NETO1: variants seen among roughly 807,000 people sequenced by gnomAD.
NETO1 encodes the protein neuropilin and tolloid-like protein 1.
A neutral mutation model predicts 61.3 loss-of-function variants in NETO1; 26 were observed. The ratio of observed to expected loss-of-function variants is 0.42; its 90% confidence interval spans 0.31 to 0.59. NETO1 has a LOEUF of 0.59. Among genes scored for constraint, NETO1 ranks in the 20% least tolerant of loss-of-function variants. The pLI is 0.12. For synonymous variants in NETO1, 225 were observed against 225.8 expected, an observed-to-expected ratio of 1.00 and a Z score of 0.03; for missense variants, 531 against 662.8, an observed-to-expected ratio of 0.80 and a Z score of 2.18.
intron 7 of NETO1, among the ~76,000 whole-genome samples, chr18:72,760,558 A>C (rs911255217): frequency 6.6e-6 from 1 of 152,154 alleles, no homozygotes; most frequent in Admixed American, 6.5e-5. Flanking sequence ...GCAGTGATTA[A>C]GTCCCTTGCA....
intron 4 of NETO1, among the ~76,000 whole-genome samples, chr18:72,857,450 T>C (rs2074441130): frequency 6.6e-6 from 1 of 152,244 alleles, no homozygotes; most frequent in South Asian, 2.1e-4. Flanking sequence ...GCATGACAGC[T>C]GACACTACAT....
At chr18:72,766,633 C>T (rs1038576569) in intron 7 of NETO1, among the ~76,000 whole-genome samples, 3 of 152,034 alleles carry the variant, frequency 2.0e-5, no homozygotes, top group African/African-American at 4.8e-5. Flanking sequence ...TGTTTTTATA[C>T]AAGAAATTCT....
Position 72,765,611 on chromosome 18 carries a change from G to A in NETO1, c.869-9464C>T, listed in dbSNP as rs113499238. Among the ~76,000 whole-genome samples the A allele has an allele frequency of 4.5e-3, 681 of 152,042 alleles. 5 individuals carry two copies. The highest frequency in any genetic ancestry group is 0.015 in the African/African-American group (632 of 41,496). On this transcript the variant is annotated intron_variant, in intron 7 of 10. Transcript: ENST00000327305. The stretch of plus-strand genomic sequence containing the variant: ...TTTTTGTATTTTCCGTAGAGATGGG[G>A]TTTCATCATCTTGGCCAGGATGGTC...
At chr18:72,783,561 C>A (rs2071813652) in intron 7 of NETO1, 117 bp downstream of exon 7, 3 of 789,740 alleles carry the variant, frequency 3.8e-6, no homozygotes, top group Non-Finnish European at 6.2e-6. Context: ...GTTTAAACAA[C>A]ATATTAGAGA....
At chr18:72,773,617 G>A (rs2071449383) in intron 7 of NETO1, among the ~76,000 whole-genome samples, 1 of 152,104 alleles carries the variant, frequency 6.6e-6, no homozygotes. Context: ...TAGTGAGTGA[G>A]TTCTCAGGAG....
At chr18:72,852,118 G>A (rs567028422) in intron 4 of NETO1, among the ~76,000 whole-genome samples, 22 of 152,276 alleles carry the variant, frequency 1.4e-4, no homozygotes, top group Admixed American at 1.2e-3. Context: ...GCGATTAGCC[G>A]ATAAATAAAT....
In NETO1 at chr18:72,747,343, G is replaced by A. The variant is rs1243158665; in HGVS notation, c.*836C>T. On this transcript the variant is annotated 3_prime_UTR_variant, in exon 11 of 11. Transcript: ENST00000327305. ...TGACAATGCATGCTTTTCACAATGT[G>A]TCTAACAAAAAGGATATTTTCCCAA... is the stretch of plus-strand genomic sequence containing the variant. 1.3e-5 allele frequency: 2 copies of A among 152,016 alleles called. No individual in the cohort carries two copies. Among genetic ancestry groups the A allele is most frequent in the Non-Finnish European group, 2.9e-5 (2 of 67,952 alleles). The allele number at this position is 152,016 out of a possible 1,614,324, so 9.4% of individuals were successfully genotyped here. A position where few individuals can be genotyped will look rare whatever the true frequency, so the allele number is the denominator to read the frequency against.
Position 72,768,760 on chromosome 18 carries a change from G to C in NETO1, c.869-12613C>G, listed in dbSNP as rs1450009423. On this transcript the variant is annotated intron_variant, in intron 7 of 10. Transcript: ENST00000327305. ...CTATGAGCCAAGAAATACTGCTCTA[G>C]AAACGGGAAAAGGAAGGAAATGTAC... Among the ~76,000 whole-genome samples, 3 of 152,276 alleles carry C rather than the reference G, an allele frequency of 2.0e-5. No individual in the cohort carries two copies. The East Asian group carries it at 5.8e-4, about 29-fold the overall frequency.
At chr18:72,786,342 A>C (rs2071917056) in intron 6 of NETO1, among the ~76,000 whole-genome samples, 1 of 152,234 alleles carries the variant, frequency 6.6e-6, no homozygotes, top group Admixed American at 6.5e-5. Flanking sequence ...GAAGTTCTAA[A>C]TGAGGAAATC....
At chr18:72,860,065 T>TC (rs2074523672) in intron 3 of NETO1, among the ~76,000 whole-genome samples, 1 of 152,230 alleles carries the variant, frequency 6.6e-6, no homozygotes, top group Non-Finnish European at 1.5e-5. Context: ...TTGCTAATGG[T>TC]CTTTCATTCT....
At chr18:72,826,771 G>C (rs7231566) in intron 4 of NETO1, among the ~76,000 whole-genome samples, 122,435 of 152,080 alleles carry the variant, frequency 0.81, 50,032 homozygotes, top group Non-Finnish European at 0.86. Flanking sequence ...CCACAACTCA[G>C]GAAACTGTCT....
intron 4 of NETO1, among the ~76,000 whole-genome samples, chr18:72,854,303 CT>C (rs1382311064): frequency 6.6e-6 from 1 of 152,182 alleles, no homozygotes; most frequent in Non-Finnish European, 1.5e-5. Flanking sequence ...CAGTCCTCAC[CT>C]ATTTGGTACT....
intron 4 of NETO1, among the ~76,000 whole-genome samples, chr18:72,819,588 A>C (rs1466901465): frequency 6.6e-6 from 1 of 152,206 alleles, no homozygotes; most frequent in Non-Finnish European, 1.5e-5. Flanking sequence ...TCTGGATTTA[A>C]AAAACTTTGA....
chr18:72,818,370 C>G (rs547552088), intron 4 of NETO1, among the ~76,000 whole-genome samples: 220 of 152,206 alleles, frequency 1.4e-3, no homozygotes, highest in African/African-American at 5.2e-3. Context: ...ACAGATTCTG[C>G]CTATGGCAAC....
At chr18:72,749,249 T>C (rs1309166856) in intron 9 of NETO1, among the ~76,000 whole-genome samples, 161 bp from the exon 10 acceptor site, 1 of 152,174 alleles carries the variant, frequency 6.6e-6, no homozygotes, top group Non-Finnish European at 1.5e-5. Flanking sequence ...TTTTAGGTTT[T>C]GAGAATGTAA....
At chr18:72,813,432 T>A (rs2072931649) in intron 4 of NETO1, among the ~76,000 whole-genome samples, 1 of 152,100 alleles carries the variant, frequency 6.6e-6, no homozygotes, top group Non-Finnish European at 1.5e-5. Context: ...CACAGGCGCA[T>A]AAGACCTGAG....
At chr18:72,847,595 A>G (rs1317642840) in intron 4 of NETO1, among the ~76,000 whole-genome samples, 1 of 152,248 alleles carries the variant, frequency 6.6e-6, no homozygotes, top group Admixed American at 6.5e-5. Flanking sequence ...GGTTTTAGCC[A>G]TATTTATGCA....
rs1250730260 is a variant in NETO1, at chr18:72,867,272, A to G, written c.20T>C (p.Val7Ala). Residue 7 changes from valine (V) to alanine (A), a missense_variant, in exon 1 of 11, where the codon GTG becomes GCG. Physicochemically the swap from Val to Ala is moderately conservative, Grantham distance 64. Coordinates refer to ENST00000327305, the MANE Select transcript of NETO1 (RefSeq NM_138966.5). Reference sequence around the variant, plus strand: ...GCGGGGAGGGTACTCACTGTGAAGCACGCTGCGCCCATGGATCATGTCTGT... The same window carrying G: ...GCGGGGAGGGTACTCACTGTGAAGCGCGCTGCGCCCATGGATCATGTCTGT... MIHGRS[V>A]LHIVASLIIL... is the part of the protein sequence containing the mutation. 6.4e-7 allele frequency: 1 copy of G among 1,568,514 alleles called. No homozygotes were observed. The highest frequency in any genetic ancestry group is 8.6e-7 in the Non-Finnish European group (1 of 1,157,614).
rs958424508 is a variant in NETO1, at chr18:72,830,115, G to A, written c.469+28711C>T. ...ACATCTACCTATGTGGCTGAAATAT[G>A]AAGGAAGTACTATAAAACCTATGGC... is the stretch of plus-strand genomic sequence containing the variant. On this transcript the variant is annotated intron_variant, in intron 4 of 10. Transcript: ENST00000327305. The surrounding 1 kb of genome is among the most constrained non-coding windows in gnomAD (Gnocchi z 4.9). Among the ~76,000 whole-genome samples the A allele has an allele frequency of 6.6e-6, 1 of 152,164 alleles. No homozygotes were observed. Among genetic ancestry groups the A allele is most frequent in the African/African-American group, 2.4e-5 (1 of 41,434 alleles).
Sources: allele counts gnomAD v4.1 joint callset (sites outside exome capture counted in the v4.1 genomes callset), GRCh38; gene constraint gnomAD v4.1.1; non-coding constraint Gnocchi (gnomAD v3.1); transcripts MANE v1.5; gene names NCBI Gene and HGNC (gene_info 2026-07-23, HGNC 2026-07-21).